NHS: variants seen among roughly 807,000 people sequenced by gnomAD.
NHS encodes actin remodeling regulator NHS.
A neutral mutation model predicts 72.5 loss-of-function variants in NHS; 5 were observed. That is an observed-to-expected ratio of 0.07 (90% CI 0.04 to 0.14). The LOEUF (loss-of-function observed/expected upper bound fraction) is 0.14, where lower values mean the gene tolerates loss of function less well. NHS is among the 10% of genes least tolerant of loss of function. NHS has a pLI of 1.00. For missense variants in NHS, 1,072 were observed against 1,355.7 expected (o/e 0.79, Z 3.29); for synonymous variants, 464 against 547.7 (o/e 0.85, Z 2.13).
intron 1 of NHS, among the ~76,000 whole-genome samples, chrX:17,396,558 T>A (rs1187779153): frequency 1.8e-5 from 2 of 111,691 alleles, no homozygotes; most frequent in Non-Finnish European, 3.8e-5. Flanking sequence ...GGAGACAAGA[T>A]TACTGTGACT....
chrX:17,614,622 G>C (rs181170514), intron 1 of NHS, among the ~76,000 whole-genome samples: 3,128 of 111,738 alleles, frequency 0.028, 107 homozygotes, highest in African/African-American at 0.094. Flanking sequence ...ATATGTGTTT[G>C]TTTCATTTCC....
chrX:17,383,435 G>A (rs1385663565), intron 1 of NHS, among the ~76,000 whole-genome samples: 1 of 111,952 alleles, frequency 8.9e-6, no homozygotes, highest in African/African-American at 3.3e-5. Flanking sequence ...AAAACTACCT[G>A]AGACTGGGTA....
intron 1 of NHS, among the ~76,000 whole-genome samples, chrX:17,515,168 A>T (rs1199918865): frequency 8.9e-6 from 1 of 112,237 alleles, no homozygotes; most frequent in Non-Finnish European, 1.9e-5. Flanking sequence ...TGTACATGAT[A>T]CAGTGAAAGC....
At position 17,634,360 on chromosome X, in the gene NHS, A is replaced by G. The variant is rs937212341; in HGVS notation, c.566-53382A>G. On this transcript the variant is annotated intron_variant, in intron 1 of 8. Transcript: ENST00000676302. The stretch of plus-strand genomic sequence containing the variant: ...GCACAAATCTGGCAGATGAGAAAAA[A>G]GCAAGTCTATCTGCCTCACTAGTAG... Among the ~76,000 whole-genome samples, 3 of 112,330 alleles carry G rather than the reference A, an allele frequency of 2.7e-5. No homozygotes were observed. In the Admixed American group the frequency reaches 2.8e-4, roughly 11 times the overall value.
At chrX:17,528,662 C>G (rs1427819146) in intron 1 of NHS, 1 of 111,765 alleles carries the variant, frequency 8.9e-6, no homozygotes, top group African/African-American at 3.3e-5. Flanking sequence ...CTAACTCACC[C>G]CTTCTTCAAA....
chrX:17,691,502 T>C (rs980945035), intron 2 of NHS, among the ~76,000 whole-genome samples: 9 of 111,931 alleles, frequency 8.0e-5, no homozygotes, highest in African/African-American at 2.6e-4. Context: ...TGGGGAATAC[T>C]ATCACATCTT....
intron 3 of NHS, among the ~76,000 whole-genome samples, chrX:17,712,460 C>G (rs1032861747): frequency 2.0e-5 from 2 of 102,373 alleles, no homozygotes; most frequent in Non-Finnish European, 4.0e-5. Flanking sequence ...ATAGCTATAT[C>G]TCTCAGGGAA....
At chrX:17,707,639 G>A (rs948899623) in intron 3 of NHS, among the ~76,000 whole-genome samples, 26 of 111,407 alleles carry the variant, frequency 2.3e-4, no homozygotes, top group South Asian at 1.5e-3. Context: ...AGAAAAAAAC[G>A]GGTCTTATGA....
intron 1 of NHS, among the ~76,000 whole-genome samples, chrX:17,539,746 C>T (rs1408701133): frequency 1.8e-5 from 2 of 111,534 alleles, no homozygotes; most frequent in Non-Finnish European, 3.8e-5. Flanking sequence ...ACCAGCTCAC[C>T]AATATCCAGC....
In NHS at chrX:17,420,741, A is replaced by C. The variant is rs1232668966; in HGVS notation, c.565+44419A>C. On this transcript the variant is annotated intron_variant, in intron 1 of 8. Transcript: ENST00000676302. ...AAGCAAGGAGACAGACCACATAAAAAATATTTGTAAATATTTTGAACTTCT... is the reference window on the plus strand; with the variant it reads ...AAGCAAGGAGACAGACCACATAAAACATATTTGTAAATATTTTGAACTTCT... Among the ~76,000 whole-genome samples, 3 of 112,050 alleles carry C rather than the reference A, an allele frequency of 2.7e-5. No individual in the cohort carries two copies. In the East Asian group the frequency reaches 8.4e-4, roughly 31 times the overall value.
intron 1 of NHS, among the ~76,000 whole-genome samples, chrX:17,572,491 CTTT>C (rs760577193): frequency 4.3e-5 from 2 of 46,762 alleles, no homozygotes; most frequent in African/African-American, 1.3e-4. Context: ...GCAACCCCTG[CTTT>C]TTTTTTTTTT....
At chrX:17,493,604 T>C (rs761058216) in intron 1 of NHS, among the ~76,000 whole-genome samples, 8 of 111,357 alleles carry the variant, frequency 7.2e-5, no homozygotes, top group Non-Finnish European at 1.3e-4. Context: ...GCCCCCTGAA[T>C]TGAAAGTGAA....
At chrX:17,386,663 C>CAAAAAAA (rs1184465152) in intron 1 of NHS, among the ~76,000 whole-genome samples, 36 of 38,025 alleles carry the variant, frequency 9.5e-4, no homozygotes, top group African/African-American at 2.1e-3. Context: ...AACTCTGTCT[C>CAAAAAAA]AAAAAAAAAA....
chrX:17,649,132 G>T (rs1041048232), intron 1 of NHS, among the ~76,000 whole-genome samples: 18 of 111,804 alleles, frequency 1.6e-4, no homozygotes, highest in African/African-American at 5.2e-4. Flanking sequence ...ATCTTTGAGA[G>T]ATGACTTCAA....
chrX:17,560,889 A>G (rs947686992), intron 1 of NHS, among the ~76,000 whole-genome samples: 3 of 112,684 alleles, frequency 2.7e-5, no homozygotes, highest in African/African-American at 9.7e-5. Context: ...GGTCCCACCC[A>G]AAGGCCCTTT....
At chrX:17,541,685 C>T (rs745576858) in intron 1 of NHS, among the ~76,000 whole-genome samples, 1 of 108,986 alleles carries the variant, frequency 9.2e-6, no homozygotes, top group Non-Finnish European at 1.9e-5. Context: ...GGGCTTTCAG[C>T]GGCCAGCCCT....
intron 1 of NHS, among the ~76,000 whole-genome samples, chrX:17,473,893 C>A (rs1280914240): frequency 2.7e-5 from 3 of 111,016 alleles, no homozygotes; most frequent in Admixed American, 1.9e-4. Context: ...TTCACATGAA[C>A]AATGCTTTAT....
At chrX:17,713,642 A>G (rs1420748243) in intron 3 of NHS, among the ~76,000 whole-genome samples, 1 of 112,034 alleles carries the variant, frequency 8.9e-6, no homozygotes, top group Non-Finnish European at 1.9e-5. Context: ...CATATAAAAT[A>G]TAACTCAAAA....
intron 1 of NHS, among the ~76,000 whole-genome samples, chrX:17,624,245 G>A (rs958457982): frequency 5.4e-4 from 61 of 112,609 alleles, no homozygotes; most frequent in Non-Finnish European, 1.7e-4. Flanking sequence ...TAAAAATTCT[G>A]GTTTACCCTT....
Sources: gnomAD v4.1 joint callset for allele counts (sites outside exome capture counted in the v4.1 genomes callset) on GRCh38, gnomAD v4.1.1 for gene constraint, MANE v1.5 for transcripts, NCBI Gene and HGNC (gene_info 2026-07-23, HGNC 2026-07-21) for gene names.